TMEM87B: variants seen among roughly 807,000 people sequenced by gnomAD.
TMEM87B encodes transmembrane protein 87B.
A neutral mutation model predicts 80.3 loss-of-function variants in TMEM87B; 83 were observed. That is an observed-to-expected ratio of 1.03 (90% confidence interval 0.87 to 1.24). TMEM87B has a LOEUF of 1.24. Ranked by LOEUF, TMEM87B falls within the 50% of genes most tolerant of loss-of-function variation. The probability of loss-of-function intolerance (pLI) is 0.00; values close to 1 mark genes in which losing one functional copy is unlikely to be tolerated. For missense variants in TMEM87B, 625 were observed against 674.4 expected, an observed-to-expected ratio of 0.93 and a Z score of 0.81; for synonymous variants, 219 against 230.5, an observed-to-expected ratio of 0.95 and a Z score of 0.45.
At chr2:112,106,629 G>C (rs1307811439) in intron 16 of TMEM87B, among the ~76,000 whole-genome samples, 1 of 151,690 alleles carries the variant, frequency 6.6e-6, no homozygotes, top group Non-Finnish European at 1.5e-5. Context: ...GCAGAGATGA[G>C]CTAAAAAATA....
Position 112,116,227 on chromosome 2 carries a change from T to C in TMEM87B, c.*84T>C. Reference sequence around the variant, plus strand: ...AAGTGAGCTTTGATTTGATATTGCCTAAAAATTTTTATTGTGTTATCTTGG... The same window carrying C: ...AAGTGAGCTTTGATTTGATATTGCCCAAAAATTTTTATTGTGTTATCTTGG... On this transcript the variant is annotated 3_prime_UTR_variant, in exon 19 of 19. Coordinates refer to ENST00000283206, the MANE Select transcript of TMEM87B (RefSeq NM_032824.3). The C allele has an allele frequency of 2.5e-6, 3 of 1,197,184 alleles. No homozygotes were observed. Among genetic ancestry groups the C allele is most frequent in the Non-Finnish European group, 3.6e-6 (3 of 845,018 alleles). 74.2% of individuals were successfully genotyped at this position (1,197,184 alleles called of 1,614,324 possible).
chr2:112,104,629 G>C (rs1273315932), intron 15 of TMEM87B, among the ~76,000 whole-genome samples: 4 of 152,194 alleles, frequency 2.6e-5, no homozygotes, highest in African/African-American at 9.7e-5. Context: ...AAGGAATGTA[G>C]AATAGCATGA....
intron 4 of TMEM87B, among the ~76,000 whole-genome samples, chr2:112,068,447 A>G (rs1401043103): frequency 2.0e-5 from 3 of 152,174 alleles, no homozygotes; most frequent in South Asian, 2.1e-4. Context: ...GCTCGCACCC[A>G]TAATCTCAGC....
intron 14 of TMEM87B, among the ~76,000 whole-genome samples, chr2:112,100,220 T>G (rs1270685828): frequency 6.6e-6 from 1 of 152,192 alleles, no homozygotes; most frequent in African/African-American, 2.4e-5. Flanking sequence ...CTTATCACCC[T>G]AGGAAATGTG....
intron 15 of TMEM87B, among the ~76,000 whole-genome samples, chr2:112,103,902 A>G (rs1226830432): frequency 4.6e-5 from 7 of 152,240 alleles, no homozygotes; most frequent in Non-Finnish European, 8.8e-5. Context: ...GGATAGAGAA[A>G]TCCATCAAGG....
intron 10 of TMEM87B, among the ~76,000 whole-genome samples, chr2:112,090,090 A>G (rs1187814966): frequency 1.3e-5 from 2 of 152,132 alleles, no homozygotes; most frequent in East Asian, 3.8e-4. Context: ...AGTTAATTAC[A>G]CCCTTCAGGT....
intron 4 of TMEM87B, among the ~76,000 whole-genome samples, chr2:112,074,383 A>G (rs975926857): frequency 6.6e-6 from 1 of 152,228 alleles, no homozygotes; most frequent in South Asian, 2.1e-4. Context: ...AATGTTGAAC[A>G]TAGGCCTCCA....
chr2:112,056,124 G>C (rs546700138), intron 1 of TMEM87B, among the ~76,000 whole-genome samples: 2 of 152,090 alleles, frequency 1.3e-5, no homozygotes, highest in Non-Finnish European at 2.9e-5. Context: ...GACTCTTCCT[G>C]TCCGGATGCA....
In TMEM87B at chr2:112,080,995, G is replaced by A. The variant is rs368858617; in HGVS notation, c.593-62G>A. On this transcript the variant is annotated intron_variant, in intron 6 of 18. Coordinates refer to ENST00000283206, the MANE Select transcript of TMEM87B (RefSeq NM_032824.3). ...GTATTCTTGGAGCCTTCTGGGAAAT[G>A]AACTTACATTTAAAGATTTAAGACT... 1.5e-5 allele frequency: 22 copies of A among 1,460,454 alleles called. No individual in the cohort carries two copies. The Admixed American group carries it at 1.8e-4, about 12-fold the overall frequency. 90.5% of individuals were successfully genotyped at this position (1,460,454 alleles called of 1,614,324 possible).
chr2:112,115,372 A>G (rs952294649), intron 18 of TMEM87B, among the ~76,000 whole-genome samples: 2 of 122,032 alleles, frequency 1.6e-5, no homozygotes, highest in African/African-American at 7.4e-5. Flanking sequence ...ATTCATAACT[A>G]CAGAAAGATG....
At chr2:112,101,440 C>T (rs1487408299) in intron 15 of TMEM87B, among the ~76,000 whole-genome samples, 2 of 152,110 alleles carry the variant, frequency 1.3e-5, no homozygotes, top group Admixed American at 6.5e-5. Context: ...TACAGTGGAC[C>T]CTTGAACAAT....
chr2:112,078,541 A>C (rs1033460693), intron 6 of TMEM87B, among the ~76,000 whole-genome samples: 9 of 152,302 alleles, frequency 5.9e-5, no homozygotes, highest in Non-Finnish European at 8.8e-5. Flanking sequence ...ATCACTTCCC[A>C]AAAGGCCTCA....
chr2:112,108,415 T>C (rs1242022627), intron 17 of TMEM87B, among the ~76,000 whole-genome samples: 1 of 152,220 alleles, frequency 6.6e-6, no homozygotes, highest in Non-Finnish European at 1.5e-5. Flanking sequence ...TGATATTCCT[T>C]TTGCCTGAAG....
chr2:112,079,567 T>G (rs912825399), intron 6 of TMEM87B, among the ~76,000 whole-genome samples: 1 of 152,216 alleles, frequency 6.6e-6, no homozygotes, highest in African/African-American at 2.4e-5. Context: ...ACTGCTGCAG[T>G]GAACATGGGG....
intron 2 of TMEM87B, among the ~76,000 whole-genome samples, chr2:112,060,868 G>C (rs1358048390): frequency 6.6e-6 from 1 of 152,106 alleles, no homozygotes; most frequent in African/African-American, 2.4e-5. Context: ...TCTTCTTTCA[G>C]AAAATGTAAT....
chr2:112,063,424 A>C (rs779739890), intron 2 of TMEM87B, among the ~76,000 whole-genome samples: 2 of 152,214 alleles, frequency 1.3e-5, no homozygotes, highest in Non-Finnish European at 2.9e-5. Context: ...GCAGGGTCTA[A>C]GACCTCATGA....
At chr2:112,082,898 C>G (rs1404004046) in intron 8 of TMEM87B, among the ~76,000 whole-genome samples, 1 of 152,156 alleles carries the variant, frequency 6.6e-6, no homozygotes, top group Non-Finnish European at 1.5e-5. Flanking sequence ...ATCTGCCATC[C>G]TCAGGGAATC....
chr2:112,110,974 T>C (rs528999519), intron 17 of TMEM87B, among the ~76,000 whole-genome samples: 320 of 152,282 alleles, frequency 2.1e-3, no homozygotes, highest in African/African-American at 7.0e-3. Flanking sequence ...TTGAATTTTG[T>C]CTACGGTTGT....
chr2:112,066,818 A>G (rs1364813343), intron 3 of TMEM87B, 118 bp from the exon 4 acceptor site: 4 of 882,110 alleles, frequency 4.5e-6, no homozygotes, highest in East Asian at 3.0e-5. Flanking sequence ...TCTATTGCGT[A>G]TTTCCAGGTA....
Sources: allele counts gnomAD v4.1 joint callset (sites outside exome capture counted in the v4.1 genomes callset), GRCh38; gene constraint gnomAD v4.1.1; transcripts MANE v1.5; gene names NCBI Gene and HGNC (gene_info 2026-07-23, HGNC 2026-07-21).